CMTR1: variants seen among roughly 807,000 people sequenced by gnomAD.
CMTR1 encodes cap-specific mRNA (nucleoside-2'-O-)-methyltransferase 1.
CMTR1 carries 39 observed loss-of-function variants against 107.0 expected under a neutral mutation model. The ratio of observed to expected loss-of-function variants is 0.36; its 90% CI spans 0.28 to 0.48. The LOEUF is 0.48. Ranked by LOEUF, CMTR1 falls within the 20% of genes least tolerant of loss-of-function variation. The pLI is 0.99. For synonymous variants in CMTR1, 366 were observed against 379.5 expected, an observed-to-expected ratio of 0.96 and a Z score of 0.41; for missense variants, 672 against 1,064.9, an observed-to-expected ratio of 0.63 and a Z score of 5.14.
intron 2 of CMTR1, among the ~76,000 whole-genome samples, chr6:37,441,480 T>C (rs1014652993): frequency 3.3e-5 from 5 of 151,756 alleles, no homozygotes; most frequent in African/African-American, 1.2e-4. Flanking sequence ...AATGGCTCGA[T>C]CTCGGCTCAC....
At chr6:37,461,933 C>T (rs1343577547) in intron 11 of CMTR1, 37 bp from the exon 12 acceptor site, 1 of 1,611,816 alleles carries the variant, frequency 6.2e-7, no homozygotes, top group Non-Finnish European at 8.5e-7. Context: ...TTGGAATAGA[C>T]CCATTGGCTG....
intron 2 of CMTR1, among the ~76,000 whole-genome samples, chr6:37,441,464 G>T (rs1771673732): frequency 6.6e-6 from 1 of 151,712 alleles, no homozygotes; most frequent in African/African-American, 2.4e-5. Context: ...GCCCAGGCTG[G>T]AGTGCAATGG....
chr6:37,475,796 A>G, intron 19 of CMTR1: 1 of 477,116 alleles, frequency 2.1e-6, no homozygotes, highest in Non-Finnish European at 3.8e-6. Flanking sequence ...TGTAGTTTCC[A>G]TGCTTTGGGG....
At chr6:37,438,622 C>T (rs1771592601) in intron 2 of CMTR1, among the ~76,000 whole-genome samples, 1 of 152,152 alleles carries the variant, frequency 6.6e-6, no homozygotes, top group Non-Finnish European at 1.5e-5. Flanking sequence ...CCATGCCTAG[C>T]CTGGAGCAAA....
At position 37,445,720 on chromosome 6, in the gene CMTR1, C is replaced by G. The variant is rs558109267; in HGVS notation, c.286-571C>G. The stretch of plus-strand genomic sequence containing the variant: ...GTGTTAGCCAGGATGGTCTCTATCT[C>G]CTGACCTCGTGATCCGCCCTTCTCG... On this transcript the variant is annotated intron_variant, in intron 3 of 23. Transcript: ENST00000373451. 4.6e-5 allele frequency among the ~76,000 whole-genome samples: 7 copies of G among 152,076 alleles called. No homozygotes were observed. In the East Asian group the frequency reaches 1.4e-3, roughly 29 times the overall value.
intron 1 of CMTR1, among the ~76,000 whole-genome samples, chr6:37,434,351 A>G (rs1771474163): frequency 6.6e-6 from 1 of 151,986 alleles, no homozygotes; most frequent in East Asian, 1.9e-4. Flanking sequence ...GGGTTTCAAT[A>G]CTTTCTTGCT....
chr6:37,446,630 G>A (rs1771803448), intron 4 of CMTR1, among the ~76,000 whole-genome samples, 181 bp downstream of exon 4: 1 of 152,218 alleles, frequency 6.6e-6, no homozygotes. Flanking sequence ...GGGGAGATAT[G>A]GTGGGATGTG....
intron 1 of CMTR1, 99 bp from the exon 2 acceptor site, chr6:37,435,525 C>G (rs1771507969): frequency 7.3e-7 from 1 of 1,369,244 alleles, no homozygotes; most frequent in Non-Finnish European, 9.9e-7. Flanking sequence ...GTAGAATTGC[C>G]AAATCTCATC....
rs1761333930 is a variant in CMTR1, at chr6:37,458,098, A to T, written c.778-514A>T. Among the ~76,000 whole-genome samples the T allele has an allele frequency of 1.3e-5, 2 of 152,164 alleles. No homozygotes were observed. Among genetic ancestry groups the T allele is most frequent in the Admixed American group, 1.3e-4 (2 of 15,280 alleles). On this transcript the variant is annotated intron_variant, in intron 8 of 23. Transcript: ENST00000373451. The surrounding 1 kb of genome is among the most constrained non-coding windows in gnomAD (Gnocchi z 4.7). ...GAGACAGGGTCTCGGTCTGTCGCCC[A>T]GGCTCAAGTGCAGTGGCGCGATCTC... is the stretch of plus-strand genomic sequence containing the variant.
Position 37,480,272 on chromosome 6 carries a change from G to T in CMTR1, c.*127G>T, listed in dbSNP as rs914210892. Reference sequence around the variant, plus strand: ...TGGGGAGCATTGCACCTGGCATGAGGAGTGGGTGGCCTCCTCTCCATCCCC... The same window carrying T: ...TGGGGAGCATTGCACCTGGCATGAGTAGTGGGTGGCCTCCTCTCCATCCCC... On this transcript the variant is annotated 3_prime_UTR_variant, in exon 24 of 24. Coordinates refer to ENST00000373451, the MANE Select transcript of CMTR1 (RefSeq NM_015050.3). 3.9e-5 allele frequency: 58 copies of T among 1,479,156 alleles called. No homozygotes were observed. The highest frequency in any genetic ancestry group is 2.4e-4 in the Middle Eastern group (1 of 4,168). The allele number at this position is 1,479,156 out of a possible 1,614,324, so 91.6% of individuals were successfully genotyped here. A position where few individuals can be genotyped will look rare whatever the true frequency, so the allele number is the denominator to read the frequency against.
At chr6:37,457,142 C>T (rs1761311358) in intron 8 of CMTR1, among the ~76,000 whole-genome samples, 2 of 150,912 alleles carry the variant, frequency 1.3e-5, no homozygotes, top group South Asian at 2.1e-4. Flanking sequence ...ATTGCCTGAG[C>T]TCAGGAGTTC....
chr6:37,470,467 A>G (rs1242170334), intron 13 of CMTR1, among the ~76,000 whole-genome samples: 1 of 152,160 alleles, frequency 6.6e-6, no homozygotes, highest in Non-Finnish European at 1.5e-5. Context: ...TTTCCAGTAG[A>G]TCTTTTAACA....
chr6:37,450,145 G>A (rs1331048286), intron 4 of CMTR1, 106 bp from the exon 5 acceptor site: 10 of 910,976 alleles, frequency 1.1e-5, no homozygotes, highest in African/African-American at 5.0e-5. Context: ...CACCCTTCTC[G>A]GTCTGTCTCA....
rs1485018569 is a variant in CMTR1 at position 37,459,597 on chromosome 6, C to T, written c.1008C>T (p.Ile336=). The change falls in exon 10 of 24, where the codon ATC becomes ATT. Residue 336 remains isoleucine, a synonymous_variant. Transcript: ENST00000373451. ...GTGGGATTGATGGAGATGGAGATAT[C>T]ACCCGCCCAGAGAACATCTCTGCTT... ...GEGGIDGDGD[I]TRPENISAFR... is the part of the protein sequence containing the mutation. The T allele has an allele frequency of 2.2e-5, 35 of 1,614,182 alleles. No homozygotes were observed. Among genetic ancestry groups the T allele is most frequent in the Non-Finnish European group, 2.7e-5 (32 of 1,180,006 alleles).
At chr6:37,476,458 G>C (rs1297793537) in intron 20 of CMTR1, among the ~76,000 whole-genome samples, 3 of 152,212 alleles carry the variant, frequency 2.0e-5, no homozygotes, top group Non-Finnish European at 2.9e-5. Flanking sequence ...GAGAGTGCCA[G>C]CCCACCTCAT....
rs1205300083 is a variant in CMTR1 at position 37,476,157 on chromosome 6, G to A, written c.2068G>A (p.Val690Ile). ...IQLAEKFVKAVSKPSRPDMNP... is the reference protein window; with the variant it reads ...IQLAEKFVKAISKPSRPDMNP... ...GCTTGCCGAGAAATTTGTGAAAGCC[G>A]TTTCCAAGCCTAGTCGGCCCGACAT... The change falls in exon 20 of 24, where the codon GTT becomes ATT. Residue 690 changes from valine to isoleucine, a missense_variant. Transcript: ENST00000373451. 10 of 1,613,946 alleles carry A rather than the reference G, an allele frequency of 6.2e-6. No homozygotes were observed. The Admixed American group carries it at 8.3e-5, about 13-fold the overall frequency.
chr6:37,445,655 A>AT (rs1462036530), intron 3 of CMTR1, among the ~76,000 whole-genome samples: 1 of 151,528 alleles, frequency 6.6e-6, no homozygotes, highest in East Asian at 1.9e-4. Flanking sequence ...TGCCTGGCTA[A>AT]TTTTTTTGTA....
In CMTR1 at chr6:37,462,838, G is replaced by A. The variant is rs1287770680; in HGVS notation, c.1335G>A (p.Val445=). 6.2e-7 allele frequency: 1 copy of A among 1,612,614 alleles called. No homozygotes were observed. Among genetic ancestry groups the A allele is most frequent in the Admixed American group, 1.7e-5 (1 of 60,026 alleles). The change falls in exon 13 of 24, where the codon GTG becomes GTA. Residue 445 remains valine, a synonymous_variant. Coordinates refer to ENST00000373451, the MANE Select transcript of CMTR1 (RefSeq NM_015050.3). ...SRPANSERYV[V]CKGLKVGIDD... is the part of the protein sequence containing the mutation. Reference sequence around the variant, plus strand: ...GAGTATCTTCTGCCAGGTATGTGGTGTGCAAGGGCCTGAAGGTGGGCATAG... The same window carrying A: ...GAGTATCTTCTGCCAGGTATGTGGTATGCAAGGGCCTGAAGGTGGGCATAG...
Position 37,466,118 on chromosome 6 carries a change from T to G in CMTR1, c.1505+3110T>G, listed in dbSNP as rs1480231123. On this transcript the variant is annotated intron_variant, in intron 13 of 23. Transcript: ENST00000373451. ...TTAAAGAGTTTTACAGTTTTTGTTT[T>G]TTTTTTTTTTTTTGAAACGGAGTCT... is the stretch of plus-strand genomic sequence containing the variant. Among the ~76,000 whole-genome samples, 6 of 127,566 alleles carry G rather than the reference T, an allele frequency of 4.7e-5. No homozygotes were observed. The East Asian group carries it at 9.7e-4, about 21-fold the overall frequency. 83.7% of individuals were successfully genotyped at this position (127,566 alleles called of 152,430 possible).
Sources: allele counts gnomAD v4.1 joint callset (sites outside exome capture counted in the v4.1 genomes callset), GRCh38; gene constraint gnomAD v4.1.1; non-coding constraint Gnocchi (gnomAD v3.1); transcripts MANE v1.5; gene names NCBI Gene and HGNC (gene_info 2026-07-23, HGNC 2026-07-21).